The following NFKB1 variants were observed in gnomAD, a reference collection of about 807,000 sequenced individuals.
NFKB1 encodes the protein nuclear factor kappa B subunit 1, also known as nuclear factor NF-kappa-B p105 subunit.
NFKB1 carries 9 observed loss-of-function variants against 105.1 expected under a neutral mutation model. That is an observed-to-expected ratio of 0.09 (90% CI 0.05 to 0.15). The LOEUF (loss-of-function observed/expected upper bound fraction) is 0.15. Among genes scored for constraint, NFKB1 ranks in the 10% least tolerant of loss-of-function variants. The pLI is 1.00. For missense variants in NFKB1, 830 were observed against 1,203.7 expected, an observed-to-expected ratio of 0.69 and a Z score of 4.59; for synonymous variants, 440 against 442.2, an observed-to-expected ratio of 1.00 and a Z score of 0.06.
At chr4:102,584,912 GA>G in intron 11 of NFKB1, 92 bp downstream of exon 11, 1 of 1,263,610 alleles carries the variant, frequency 7.9e-7, no homozygotes, top group Non-Finnish European at 1.1e-6. Flanking sequence ...GACAGAGTCT[GA>G]CTCTGTTGCC....
chr4:102,520,773 G>A (rs1740523797), intron 1 of NFKB1, among the ~76,000 whole-genome samples: 1 of 151,824 alleles, frequency 6.6e-6, no homozygotes, highest in Non-Finnish European at 1.5e-5. Flanking sequence ...CTCTTTTAAA[G>A]TTGAAATTTT....
intron 11 of NFKB1, among the ~76,000 whole-genome samples, chr4:102,591,623 T>C (rs551710525): frequency 6.6e-6 from 1 of 152,188 alleles, no homozygotes; most frequent in East Asian, 1.9e-4. Context: ...TACTGAATAT[T>C]TTTAAACCCA....
At chr4:102,587,587 T>G (rs1417850679) in intron 11 of NFKB1, among the ~76,000 whole-genome samples, 1 of 152,104 alleles carries the variant, frequency 6.6e-6, no homozygotes, top group East Asian at 1.9e-4. Context: ...AATGCAGGGA[T>G]TAGAGAATGG....
chr4:102,602,844 T>TCAA (rs1378410168), intron 16 of NFKB1, among the ~76,000 whole-genome samples: 1 of 152,174 alleles, frequency 6.6e-6, no homozygotes, highest in Non-Finnish European at 1.5e-5. Flanking sequence ...TCATACCGTT[T>TCAA]TGGGGTCATT....
At chr4:102,503,617 G>T (rs1449280115) in intron 1 of NFKB1, 1 of 152,112 alleles carries the variant, frequency 6.6e-6, no homozygotes, top group Non-Finnish European at 1.5e-5. Flanking sequence ...TTCAAACCCA[G>T]ATAGTAAATA....
At chr4:102,528,912 G>T (rs963859052) in intron 2 of NFKB1, among the ~76,000 whole-genome samples, 1 of 152,214 alleles carries the variant, frequency 6.6e-6, no homozygotes, top group African/African-American at 2.4e-5. Flanking sequence ...TGGCAGGGCT[G>T]CTTTCCTTCT....
chr4:102,506,623 GAC>G lies in NFKB1; in HGVS notation c.-8+4839_-8+4840del, dbSNP rs1341596700. 2.6e-5 allele frequency among the ~76,000 whole-genome samples: 4 copies of G among 152,018 alleles called. 1 individual carries two copies. The South Asian group carries it at 8.3e-4, about 32-fold the overall frequency. The stretch of plus-strand genomic sequence containing the variant: ...GAATTGAACCATTTATTTTTTTGTG[GAC>G]ACAGTTTTTTAAATGAAATATACCA... On this transcript the variant is annotated intron_variant, in intron 1 of 23. Coordinates refer to ENST00000226574, the MANE Select transcript of NFKB1 (RefSeq NM_003998.4).
At chr4:102,565,357 G>A (rs1723775927) in intron 5 of NFKB1, among the ~76,000 whole-genome samples, 1 of 152,102 alleles carries the variant, frequency 6.6e-6, no homozygotes. Flanking sequence ...GTTGACTGTA[G>A]GGGAGTCTGT....
intron 5 of NFKB1, among the ~76,000 whole-genome samples, chr4:102,563,100 A>G (rs1033317088): frequency 1.3e-5 from 2 of 152,194 alleles, no homozygotes; most frequent in Non-Finnish European, 2.9e-5. Flanking sequence ...CATGTACTTT[A>G]CCCCAACGTG....
At chr4:102,571,781 A>G (rs1255778025) in intron 6 of NFKB1, among the ~76,000 whole-genome samples, 1 of 152,242 alleles carries the variant, frequency 6.6e-6, no homozygotes, top group Non-Finnish European at 1.5e-5. Context: ...CAAAACCACA[A>G]TGAGATACCA....
chr4:102,587,744 A>G (rs145900785), intron 11 of NFKB1, among the ~76,000 whole-genome samples: 1 of 152,156 alleles, frequency 6.6e-6, no homozygotes, highest in Non-Finnish European at 1.5e-5. Flanking sequence ...AGAATGGACA[A>G]CATATATATA....
chr4:102,605,638 C>G (rs1012290238), intron 16 of NFKB1, among the ~76,000 whole-genome samples: 1 of 152,322 alleles, frequency 6.6e-6, no homozygotes, highest in South Asian at 2.1e-4. Flanking sequence ...TTTGCATTCA[C>G]CGAAGTAATA....
chr4:102,575,098 G>A (rs1399232721), intron 6 of NFKB1, among the ~76,000 whole-genome samples: 1 of 152,154 alleles, frequency 6.6e-6, no homozygotes, highest in Non-Finnish European at 1.5e-5. Context: ...AGTATGTCAT[G>A]TTGCATATTT....
chr4:102,568,977 C>G (rs915977072), intron 6 of NFKB1, among the ~76,000 whole-genome samples: 2 of 152,086 alleles, frequency 1.3e-5, no homozygotes, highest in African/African-American at 2.4e-5. Context: ...GAAATTTAAT[C>G]AAGATGCCAC....
At position 102,613,460 on chromosome 4, in the gene NFKB1, C is replaced by A; in HGVS notation, c.2628C>A (p.Ala876=). ...SGGTVRELVE[A]LRQMGYTEAI... ...GTACAGTCAGAGAGCTGGTGGAGGC[C>A]CTGAGACAAATGGGCTACACCGAAG... is the stretch of plus-strand genomic sequence containing the variant. Residue 876 remains alanine, a synonymous_variant, in exon 23 of 24, where the codon GCC becomes GCA. Coordinates refer to ENST00000226574, the MANE Select transcript of NFKB1 (RefSeq NM_003998.4). 1 of 1,613,872 alleles carries A rather than the reference C, an allele frequency of 6.2e-7. No homozygotes were observed. The highest frequency in any genetic ancestry group is 8.5e-7 in the Non-Finnish European group (1 of 1,179,970).
At chr4:102,563,917 G>A (rs1272314194) in intron 5 of NFKB1, among the ~76,000 whole-genome samples, 3 of 151,238 alleles carry the variant, frequency 2.0e-5, no homozygotes, top group African/African-American at 7.3e-5. Flanking sequence ...CACCTCCTGG[G>A]TTCAAGTGAT....
chr4:102,527,940 C>T (rs866325217), intron 2 of NFKB1, among the ~76,000 whole-genome samples: 1 of 152,252 alleles, frequency 6.6e-6, no homozygotes, highest in African/African-American at 2.4e-5. Flanking sequence ...TTGCGATCAT[C>T]AGTAACAGGG....
chr4:102,597,508 A>T lies in NFKB1; in HGVS notation c.1496-12A>T. ...GGAACACTCAACTATGATTGTGGTC[A>T]TTGCCTTACAGATAACCTCTTTCTA... On this transcript the variant is annotated splice_polypyrimidine_tract_variant and intron_variant, in intron 14 of 23. Coordinates refer to ENST00000226574, the MANE Select transcript of NFKB1 (RefSeq NM_003998.4). The T allele has an allele frequency of 6.2e-7, 1 of 1,603,374 alleles. No homozygotes were observed. The highest frequency in any genetic ancestry group is 1.1e-5 in the South Asian group (1 of 89,324).
At position 102,584,750 on chromosome 4, in the gene NFKB1, C is replaced by T. The variant is rs1489236583; in HGVS notation, c.996C>T (p.Val332=). The T allele has an allele frequency of 6.2e-7, 1 of 1,612,736 alleles. No homozygotes were observed. Among genetic ancestry groups the T allele is most frequent in the African/African-American group, 1.3e-5 (1 of 74,956 alleles). ...INITKPASVF[V]QLRRKSDLET... is the part of the protein sequence containing the mutation. ...TTACAAAACCAGCCTCTGTGTTTGT[C>T]CAGCTTCGGAGGAAATCTGACTTGG... The change falls in exon 11 of 24, where the codon GTC becomes GTT. Residue 332 remains valine, a synonymous_variant. Transcript: ENST00000226574.
Sources: gnomAD v4.1 joint callset for allele counts (sites outside exome capture counted in the v4.1 genomes callset) on GRCh38, gnomAD v4.1.1 for gene constraint, MANE v1.5 for transcripts, NCBI Gene and HGNC (gene_info 2026-07-23, HGNC 2026-07-21) for gene names.